Variants in CHMP4B observed in about 807,000 individuals in gnomAD.
CHMP4B encodes SNF7 homolog associated with Alix 1.
In CHMP4B, 1 loss-of-function variant was observed where a neutral mutation model predicts 25.1. The observed-to-expected ratio is 0.04, with a 90% CI of 0.01 to 0.19. The LOEUF (loss-of-function observed/expected upper bound fraction) is 0.19. CHMP4B is among the 10% of genes least tolerant of loss of function. The probability of loss-of-function intolerance (pLI) is 1.00; values close to 1 mark genes in which losing one functional copy is unlikely to be tolerated. For missense variants in CHMP4B, 151 were observed against 289.7 expected, an observed-to-expected ratio of 0.52 and a Z score of 3.48; for synonymous variants, 101 against 115.6, an observed-to-expected ratio of 0.87 and a Z score of 0.81.
rs1290772098 is a variant in CHMP4B at position 33,811,670 on chromosome 20, C to T, written c.190+12C>T. On this transcript the variant is annotated intron_variant, in intron 1 of 4. Coordinates refer to ENST00000217402, the MANE Select transcript of CHMP4B (RefSeq NM_176812.5). The stretch of plus-strand genomic sequence containing the variant: ...CAAAAACAAGCGCGGTGAGGCTGCC[C>T]GGCCCCTTCAGACTTGCCACGGGCT... 5 of 1,611,722 alleles carry T rather than the reference C, an allele frequency of 3.1e-6. No individual in the cohort carries two copies. In the African/African-American group the frequency reaches 5.3e-5, roughly 17 times the overall value.
chr20:33,811,744 G>C (rs1314695514), intron 1 of CHMP4B, 86 bp downstream of exon 1: 1 of 1,390,404 alleles, frequency 7.2e-7, no homozygotes, highest in Non-Finnish European at 1.0e-6. Flanking sequence ...GACTCGCCTC[G>C]GGGTCTGGTC....
At chr20:33,828,473 GGTT>G (rs1979153147) in intron 1 of CHMP4B, among the ~76,000 whole-genome samples, 1 of 152,204 alleles carries the variant, frequency 6.6e-6, no homozygotes, top group Admixed American at 6.6e-5. Context: ...TATTTTAGGG[GGTT>G]GTTTTCTTTT....
chr20:33,851,100 C>A, intron 3 of CHMP4B, 34 bp downstream of exon 3: 1 of 1,280,196 alleles, frequency 7.8e-7, no homozygotes, highest in Non-Finnish European at 1.1e-6. Context: ...ATAAGCTTCA[C>A]AAATGATACC....
intron 4 of CHMP4B, among the ~76,000 whole-genome samples, 165 bp downstream of exon 4, chr20:33,852,368 T>C (rs1349610961): frequency 6.6e-6 from 1 of 152,022 alleles, no homozygotes; most frequent in East Asian, 1.9e-4. Context: ...TCCATTGTAG[T>C]GGCCACAGAG....
At chr20:33,852,983 G>A (rs1264927890) in intron 4 of CHMP4B, among the ~76,000 whole-genome samples, 3 of 152,190 alleles carry the variant, frequency 2.0e-5, no homozygotes, top group African/African-American at 7.2e-5. Context: ...GAACCCTGGG[G>A]GCAGTGCATG....
chr20:33,853,182 C>A (rs1979903324), intron 4 of CHMP4B, among the ~76,000 whole-genome samples: 1 of 152,134 alleles, frequency 6.6e-6, no homozygotes, highest in Non-Finnish European at 1.5e-5. Flanking sequence ...GGGGTTCTTC[C>A]CACTCTCCTC....
chr20:33,853,766 G>A lies in CHMP4B; in HGVS notation c.*206G>A, dbSNP rs1979927416. On this transcript the variant is annotated 3_prime_UTR_variant, in exon 5 of 5. Transcript: ENST00000217402. The stretch of plus-strand genomic sequence containing the variant: ...GATGGGCGGGGGGAGGGGGGCGGGC[G>A]GGGTGGGAAGTGCCTGCTGTTTATA... The A allele has an allele frequency of 3.8e-6, 1 of 262,134 alleles. No individual in the cohort carries two copies. The highest frequency in any genetic ancestry group is 9.5e-5 in the East Asian group (1 of 10,502). 16.2% of individuals were successfully genotyped at this position (262,134 alleles called of 1,614,324 possible).
At chr20:33,849,808 G>T (rs934388237) in intron 2 of CHMP4B, among the ~76,000 whole-genome samples, 3 of 152,154 alleles carry the variant, frequency 2.0e-5, no homozygotes. Context: ...GTCTTGCTGT[G>T]TCTGTCACCT....
chr20:33,828,136 C>CACAGTA (rs1979143536), intron 1 of CHMP4B, among the ~76,000 whole-genome samples: 1 of 152,220 alleles, frequency 6.6e-6, no homozygotes, highest in African/African-American at 2.4e-5. Flanking sequence ...ACAGCCCTCT[C>CACAGTA]CCTTTTATTA....
chr20:33,848,752 A>G, intron 2 of CHMP4B, 108 bp downstream of exon 2: 1 of 1,175,896 alleles, frequency 8.5e-7, no homozygotes, highest in South Asian at 1.3e-5. Flanking sequence ...CTATTCGAGC[A>G]CCTGAGTTTG....
intron 1 of CHMP4B, among the ~76,000 whole-genome samples, chr20:33,821,509 A>G (rs1167278505): frequency 6.6e-6 from 1 of 152,110 alleles, no homozygotes; most frequent in Admixed American, 6.5e-5. Flanking sequence ...TTTGGAGAGG[A>G]GTTGCTACCC....
chr20:33,840,310 T>C (rs1205099817), intron 1 of CHMP4B, among the ~76,000 whole-genome samples: 1 of 151,200 alleles, frequency 6.6e-6, no homozygotes, highest in Non-Finnish European at 1.5e-5. Context: ...GAGACAATGT[T>C]GGACACAGGC....
chr20:33,844,762 T>C (rs1196933823), intron 1 of CHMP4B, among the ~76,000 whole-genome samples: 1 of 142,494 alleles, frequency 7.0e-6, no homozygotes, highest in Non-Finnish European at 1.6e-5. Context: ...GTGTTTGCTC[T>C]TTTTTTTTTT....
intron 1 of CHMP4B, among the ~76,000 whole-genome samples, chr20:33,847,123 G>A (rs1979709296): frequency 6.6e-6 from 1 of 152,084 alleles, no homozygotes; most frequent in South Asian, 2.1e-4. Context: ...GTTGTTGTGG[G>A]GGACATAACT....
Position 33,811,513 on chromosome 20 carries a change from C to G in CHMP4B, c.45C>G (p.Ala15=), listed in dbSNP as rs371091279. ...TGTTCGGGGCTGGAGGGGGTAAGGC[C>G]GGCAAGGGCGGCCCGACCCCCCAGG... ...GKLFGAGGGK[A]GKGGPTPQEA... Residue 15 remains alanine, a synonymous_variant, in exon 1 of 5, where the codon GCC becomes GCG. Coordinates refer to ENST00000217402, the MANE Select transcript of CHMP4B (RefSeq NM_176812.5). 5.0e-6 allele frequency: 8 copies of G among 1,601,716 alleles called. No homozygotes were observed. Among genetic ancestry groups the G allele is most frequent in the Admixed American group, 1.7e-5 (1 of 57,694 alleles).
At chr20:33,840,340 G>T (rs1979503962) in intron 1 of CHMP4B, among the ~76,000 whole-genome samples, 1 of 152,026 alleles carries the variant, frequency 6.6e-6, no homozygotes, top group Admixed American at 6.6e-5. Context: ...GAGGCGGGGG[G>T]GAAACAGGCA....
intron 1 of CHMP4B, among the ~76,000 whole-genome samples, chr20:33,831,561 A>G: frequency 6.6e-6 from 1 of 151,426 alleles, no homozygotes; most frequent in East Asian, 2.0e-4. Context: ...TTTTGTGGAG[A>G]TGAGGTTTCG....
chr20:33,813,888 A>G (rs1729779268), intron 1 of CHMP4B, among the ~76,000 whole-genome samples: 1 of 152,106 alleles, frequency 6.6e-6, no homozygotes, highest in Non-Finnish European at 1.5e-5. Context: ...GCACGCCACC[A>G]TGCCTGGCTA....
intron 1 of CHMP4B, among the ~76,000 whole-genome samples, chr20:33,835,131 T>C (rs1465201740): frequency 1.3e-5 from 2 of 152,240 alleles, no homozygotes; most frequent in East Asian, 3.8e-4. Context: ...TCCCAGGTGA[T>C]AGAAGTAATG....
Sources: gnomAD v4.1 joint callset for allele counts (sites outside exome capture counted in the v4.1 genomes callset) on GRCh38, gnomAD v4.1.1 for gene constraint, MANE v1.5 for transcripts, NCBI Gene and HGNC (gene_info 2026-07-23, HGNC 2026-07-21) for gene names.